The following EEFSEC variants were observed in gnomAD, a reference collection of about 807,000 sequenced individuals.
The protein encoded by EEFSEC is selenocysteine-specific elongation factor.
Under a neutral mutation model 42.1 loss-of-function variants are expected in EEFSEC, and 43 were observed. That is an observed-to-expected ratio of 1.02 (90% CI 0.80 to 1.32). EEFSEC has a LOEUF of 1.32. Ranked by LOEUF, EEFSEC falls within the 40% of genes most tolerant of loss-of-function variation. The pLI, the probability that EEFSEC is intolerant of heterozygous loss-of-function variation, is 0.00. For missense variants in EEFSEC, 745 were observed against 803.6 expected (o/e 0.93, Z 0.88); for synonymous variants, 354 against 339.1 (o/e 1.04, Z -0.48).
chr3:128,188,484 A>G (rs1426766334), intron 1 of EEFSEC, among the ~76,000 whole-genome samples: 1 of 152,176 alleles, frequency 6.6e-6, no homozygotes, highest in Non-Finnish European at 1.5e-5. Flanking sequence ...GCTAGCTGCC[A>G]TGTTGCCCTC....
chr3:128,248,503 G>A (rs921256718), intron 2 of EEFSEC, among the ~76,000 whole-genome samples: 3 of 152,194 alleles, frequency 2.0e-5, no homozygotes, highest in Non-Finnish European at 2.9e-5. Flanking sequence ...CGATAAAATC[G>A]ACACATTTAG....
At chr3:128,226,617 C>T (rs1159981104) in intron 1 of EEFSEC, among the ~76,000 whole-genome samples, 1 of 152,174 alleles carries the variant, frequency 6.6e-6, no homozygotes, top group African/African-American at 2.4e-5. Context: ...CTAAATTCCC[C>T]TCTTCTATGC....
intron 6 of EEFSEC, among the ~76,000 whole-genome samples, chr3:128,389,099 T>C (rs1206533242): frequency 2.0e-5 from 3 of 152,158 alleles, no homozygotes; most frequent in Non-Finnish European, 4.4e-5. Flanking sequence ...CAGCCTGCGG[T>C]GTCCTGTGGC....
intron 6 of EEFSEC, among the ~76,000 whole-genome samples, chr3:128,371,976 G>A (rs554158671): frequency 5.9e-5 from 9 of 152,234 alleles, no homozygotes; most frequent in Non-Finnish European, 1.3e-4. Context: ...GACCAGGAGT[G>A]CAGGATCTTT....
At chr3:128,352,781 A>G (rs868116180) in intron 5 of EEFSEC, among the ~76,000 whole-genome samples, 8 of 152,272 alleles carry the variant, frequency 5.3e-5, no homozygotes, top group Non-Finnish European at 1.0e-4. Flanking sequence ...CCCAGCACCC[A>G]TTTAAACCTC....
chr3:128,311,898 T>C (rs1194892306), intron 4 of EEFSEC, among the ~76,000 whole-genome samples: 1 of 152,208 alleles, frequency 6.6e-6, no homozygotes, highest in Non-Finnish European at 1.5e-5. Context: ...AGTTGAGCTC[T>C]GCTCCTTATC....
intron 4 of EEFSEC, among the ~76,000 whole-genome samples, chr3:128,287,886 T>C (rs1289586827): frequency 6.6e-6 from 1 of 152,236 alleles, no homozygotes; most frequent in Admixed American, 6.5e-5. Context: ...CATATTCATG[T>C]ATATCGTTAT....
In EEFSEC at chr3:128,246,916, A is replaced by T. The variant is rs1167207954; in HGVS notation, c.397A>T (p.Ile133Phe). ...GACCCAGTCAGCGGAATGCCTTGTGATCGGCCAGATTGCCTGCCAGAAGCT... is the reference window on the plus strand; with the variant it reads ...GACCCAGTCAGCGGAATGCCTTGTGTTCGGCCAGATTGCCTGCCAGAAGCT... ...MQTQSAECLV[I>F]GQIACQKLVV... is the part of the protein sequence containing the mutation. Residue 133 changes from isoleucine (I) to phenylalanine (F), a missense_variant, in exon 2 of 7, where the codon ATC becomes TTC. By Grantham distance (21) the Ile-to-Phe change is conservative. Transcript: ENST00000254730. The T allele has an allele frequency of 6.2e-7, 1 of 1,614,214 alleles. No individual in the cohort carries two copies. The highest frequency in any genetic ancestry group is 8.5e-7 in the Non-Finnish European group (1 of 1,180,034).
intron 6 of EEFSEC, among the ~76,000 whole-genome samples, chr3:128,371,111 GT>G (rs147749544): frequency 1.2e-4 from 18 of 150,330 alleles, no homozygotes; most frequent in East Asian, 5.8e-4. Context: ...TTTTGGAGCA[GT>G]TTTTTTTTTA....
chr3:128,253,164 G>A (rs1373607663), intron 2 of EEFSEC, among the ~76,000 whole-genome samples: 1 of 152,154 alleles, frequency 6.6e-6, no homozygotes, highest in African/African-American at 2.4e-5. Flanking sequence ...TGCCCAAAAG[G>A]GTTTGGATAA....
intron 1 of EEFSEC, among the ~76,000 whole-genome samples, chr3:128,169,976 T>C (rs896018564): frequency 6.6e-6 from 1 of 152,202 alleles, no homozygotes; most frequent in African/African-American, 2.4e-5. Flanking sequence ...CGGCATATTT[T>C]GCCTTTTCTT....
chr3:128,154,867 T>C (rs752476898), intron 1 of EEFSEC, among the ~76,000 whole-genome samples: 2 of 152,212 alleles, frequency 1.3e-5, no homozygotes, highest in Non-Finnish European at 2.9e-5. Flanking sequence ...TTCGCATATA[T>C]GTAGGATAAT....
In EEFSEC at chr3:128,153,487, G is replaced by A. The variant is rs1175296844; in HGVS notation, c.-21G>A. The A allele has an allele frequency of 1.4e-6, 2 of 1,476,910 alleles. No individual in the cohort carries two copies. Among genetic ancestry groups the A allele is most frequent in the Non-Finnish European group, 1.8e-6 (2 of 1,122,686 alleles). The allele number at this position is 1,476,910 out of a possible 1,614,324, so 91.5% of individuals were successfully genotyped here. A position where few individuals can be genotyped will look rare whatever the true frequency, so the allele number is the denominator to read the frequency against. ...GAGGTGAGGGGCGGGCCGGGCGGGTGTCCGAGGCGGCGGCGGCGGCATGGC... is the reference window on the plus strand; with the variant it reads ...GAGGTGAGGGGCGGGCCGGGCGGGTATCCGAGGCGGCGGCGGCGGCATGGC... On this transcript the variant is annotated 5_prime_UTR_variant, in exon 1 of 7. Coordinates refer to ENST00000254730, the MANE Select transcript of EEFSEC (RefSeq NM_021937.5).
At chr3:128,163,160 C>T (rs913770126) in intron 1 of EEFSEC, among the ~76,000 whole-genome samples, 24 of 151,954 alleles carry the variant, frequency 1.6e-4, no homozygotes, top group African/African-American at 5.1e-4. Flanking sequence ...CTTTGATGTG[C>T]GGAAAATGAT....
chr3:128,186,000 T>C (rs779282140), intron 1 of EEFSEC, among the ~76,000 whole-genome samples: 41 of 152,224 alleles, frequency 2.7e-4, no homozygotes, highest in Non-Finnish European at 4.9e-4. Flanking sequence ...ATGTTACCTT[T>C]ATGAGGAACT....
chr3:128,312,418 G>A (rs867784215), intron 4 of EEFSEC, among the ~76,000 whole-genome samples: 5 of 152,244 alleles, frequency 3.3e-5, no homozygotes, highest in Admixed American at 6.5e-5. Context: ...ACTTCCATGC[G>A]CAGAGGATGG....
chr3:128,301,467 C>T (rs887662287), intron 4 of EEFSEC, among the ~76,000 whole-genome samples: 1 of 152,078 alleles, frequency 6.6e-6, no homozygotes, highest in African/African-American at 2.4e-5. Context: ...TGTGGTGAAC[C>T]GGTCAGGGAC....
At chr3:128,336,440 C>A (rs2067190247) in intron 4 of EEFSEC, among the ~76,000 whole-genome samples, 1 of 152,176 alleles carries the variant, frequency 6.6e-6, no homozygotes, top group African/African-American at 2.4e-5. Context: ...CCTCTGCCAT[C>A]CCCTGTGCCC....
At chr3:128,416,190 A>T in the EEFSEC span, among the ~76,000 whole-genome samples, 1 of 152,014 alleles carries the variant, frequency 6.6e-6, no homozygotes, top group Non-Finnish European at 1.5e-5. Flanking sequence ...CCCACCGGAG[A>T]AGCACCCACA....
Sources: gnomAD v4.1 joint callset for allele counts (sites outside exome capture counted in the v4.1 genomes callset) on GRCh38, gnomAD v4.1.1 for gene constraint, MANE v1.5 for transcripts, NCBI Gene and HGNC (gene_info 2026-07-23, HGNC 2026-07-21) for gene names.